SV2C: variants seen among roughly 807,000 people sequenced by gnomAD.
SV2C encodes synaptic vesicle glycoprotein 2C, also known as solute carrier family 22 member B3.
In SV2C, 49 loss-of-function variants were observed where a neutral mutation model predicts 79.7. The observed-to-expected ratio is 0.61, with a 90% CI of 0.49 to 0.78. The LOEUF is 0.78. SV2C is among the 30% of genes least tolerant of loss of function. The pLI is 0.00. For missense variants in SV2C, 833 were observed against 912.9 expected (o/e 0.91, Z 1.13); for synonymous variants, 334 against 333.2 (o/e 1.00, Z -0.03).
the SV2C span, among the ~76,000 whole-genome samples, chr5:76,019,084 A>C: frequency 6.6e-6 from 1 of 152,104 alleles, no homozygotes; most frequent in Non-Finnish European, 1.5e-5. Context: ...CTATGATAAA[A>C]AGAGAGAGAG....
chr5:75,947,925 T>TAAGAC, the SV2C span, among the ~76,000 whole-genome samples: 1 of 152,078 alleles, frequency 6.6e-6, no homozygotes, highest in South Asian at 2.1e-4. Context: ...GGAAGTCTTA[T>TAAGAC]TCTACTCCAT....
At chr5:76,028,939 G>T in the SV2C span, among the ~76,000 whole-genome samples, 12 of 152,298 alleles carry the variant, frequency 7.9e-5, no homozygotes, top group African/African-American at 2.4e-4. Context: ...ACCTTGAGCT[G>T]CCAGAGAACA....
chr5:76,134,148 G>T (rs535534403), intron 2 of SV2C, among the ~76,000 whole-genome samples: 6 of 152,240 alleles, frequency 3.9e-5, no homozygotes, highest in Admixed American at 2.6e-4. Context: ...GCATTTAGAA[G>T]TGTAGATAAT....
At chr5:76,034,617 T>G in the SV2C span, among the ~76,000 whole-genome samples, 1 of 152,202 alleles carries the variant, frequency 6.6e-6, no homozygotes. Flanking sequence ...TCATGGTGGA[T>G]AAGCTTTTCG....
At chr5:75,886,583 C>T in the SV2C span, among the ~76,000 whole-genome samples, 3 of 152,162 alleles carry the variant, frequency 2.0e-5, no homozygotes, top group Admixed American at 6.6e-5. Context: ...TGAAGCCATT[C>T]TGGCTTTAAG....
At chr5:76,067,537 C>T in the SV2C span, among the ~76,000 whole-genome samples, 1 of 151,446 alleles carries the variant, frequency 6.6e-6, no homozygotes, top group Non-Finnish European at 1.5e-5. Context: ...TATTTAACTG[C>T]CTTAATAATT....
chr5:76,285,768 T>C lies in SV2C; in HGVS notation c.1048-13T>C. Reference sequence around the variant, plus strand: ...TCACTCCTAGCGCTTCACTGTCCACTCTCATTTCTTAGGTTGGAAAACATG... The same window carrying C: ...TCACTCCTAGCGCTTCACTGTCCACCCTCATTTCTTAGGTTGGAAAACATG... On this transcript the variant is annotated splice_polypyrimidine_tract_variant and intron_variant, in intron 5 of 12. Transcript: ENST00000502798. 1 of 1,612,422 alleles carries C rather than the reference T, an allele frequency of 6.2e-7. No individual in the cohort carries two copies. Among genetic ancestry groups the C allele is most frequent in the Non-Finnish European group, 8.5e-7 (1 of 1,179,028 alleles).
intron 1 of SV2C, among the ~76,000 whole-genome samples, chr5:76,092,456 A>G (rs947544210): frequency 5.3e-5 from 8 of 152,196 alleles, no homozygotes; most frequent in African/African-American, 1.9e-4. Context: ...TACTCAATAC[A>G]ACTATTTTCA....
intron 12 of SV2C, among the ~76,000 whole-genome samples, chr5:76,346,083 A>T (rs1749531223): frequency 6.6e-6 from 1 of 152,172 alleles, no homozygotes; most frequent in African/African-American, 2.4e-5. Flanking sequence ...CCTTGGTGTA[A>T]TTACTTCCAC....
At chr5:76,168,018 G>A (rs567386126) in intron 2 of SV2C, among the ~76,000 whole-genome samples, 8 of 152,244 alleles carry the variant, frequency 5.3e-5, no homozygotes, top group Admixed American at 2.6e-4. Flanking sequence ...AAATCCAGTC[G>A]TTTGTAAATC....
At chr5:75,985,502 T>G in the SV2C span, among the ~76,000 whole-genome samples, 1 of 151,932 alleles carries the variant, frequency 6.6e-6, no homozygotes, top group Admixed American at 6.6e-5. Flanking sequence ...TTTCATCCAG[T>G]GCTCTAATAA....
chr5:76,151,074 G>A (rs2112229631), intron 2 of SV2C, among the ~76,000 whole-genome samples: 1 of 152,344 alleles, frequency 6.6e-6, no homozygotes. Flanking sequence ...AGGACTGAGA[G>A]ATTCATTCTG....
At chr5:76,103,666 T>C (rs1747812230) in intron 1 of SV2C, among the ~76,000 whole-genome samples, 1 of 152,222 alleles carries the variant, frequency 6.6e-6, no homozygotes, top group Admixed American at 6.5e-5. Context: ...CAAATATTTA[T>C]TGAATGCCTG....
chr5:76,280,277 CACAT>C (rs1237673348), intron 4 of SV2C, among the ~76,000 whole-genome samples: 5 of 151,972 alleles, frequency 3.3e-5, no homozygotes, highest in Admixed American at 1.3e-4. Flanking sequence ...GTGTCACACA[CACAT>C]ATGCACACAC....
chr5:75,974,716 T>C, the SV2C span, among the ~76,000 whole-genome samples: 1 of 152,318 alleles, frequency 6.6e-6, no homozygotes, highest in Non-Finnish European at 1.5e-5. Flanking sequence ...TGTTAGATTT[T>C]ATAACATCTA....
chr5:76,150,444 G>A (rs1195409993), intron 2 of SV2C, among the ~76,000 whole-genome samples: 1 of 151,882 alleles, frequency 6.6e-6, no homozygotes, highest in African/African-American at 2.4e-5. Context: ...CCAAAATGCT[G>A]GGATTACAGG....
intron 1 of SV2C, among the ~76,000 whole-genome samples, chr5:76,085,493 CAA>C (rs757888907): frequency 1.3e-5 from 2 of 151,580 alleles, no homozygotes; most frequent in African/African-American, 2.4e-5. Flanking sequence ...TGAAGGAGCC[CAA>C]ATCTGCAGTA....
chr5:75,943,573 A>G, the SV2C span, among the ~76,000 whole-genome samples: 13 of 152,298 alleles, frequency 8.5e-5, no homozygotes, highest in East Asian at 1.7e-3. Context: ...TCACAAAGCC[A>G]TGTTTCTCAA....
At chr5:75,869,003 A>G in the SV2C span, among the ~76,000 whole-genome samples, 2 of 152,198 alleles carry the variant, frequency 1.3e-5, no homozygotes, top group African/African-American at 2.4e-5. Context: ...TGTGGTGTCT[A>G]TAGGGAGAAA....
Sources: gnomAD v4.1 joint callset for allele counts (sites outside exome capture counted in the v4.1 genomes callset) on GRCh38, gnomAD v4.1.1 for gene constraint, MANE v1.5 for transcripts, NCBI Gene and HGNC (gene_info 2026-07-23, HGNC 2026-07-21) for gene names.